The following TNS3 variants were observed in gnomAD, a reference collection of about 807,000 sequenced individuals.
The protein encoded by TNS3 is tensin 3, also known as tensin-3.
TNS3 carries 45 observed loss-of-function variants against 140.9 expected under a neutral mutation model. The ratio of observed to expected loss-of-function variants is 0.32; its 90% CI spans 0.25 to 0.41. The LOEUF (loss-of-function observed/expected upper bound fraction) is 0.41, where lower values mean the gene tolerates loss of function less well. TNS3 is among the 10% of genes least tolerant of loss of function. The pLI, the probability that TNS3 is intolerant of heterozygous loss-of-function variation, is 1.00. For missense variants in TNS3, 1,716 were observed against 1,906.7 expected, an observed-to-expected ratio of 0.90 and a Z score of 1.86; for synonymous variants, 815 against 788.4, an observed-to-expected ratio of 1.03 and a Z score of -0.56.
At chr7:47,310,003 C>A (rs1026089654) in intron 20 of TNS3, among the ~76,000 whole-genome samples, 4 of 152,222 alleles carry the variant, frequency 2.6e-5, no homozygotes, top group Admixed American at 2.6e-4. Flanking sequence ...TTTTCCTTCT[C>A]AGACATGGAC....
chr7:47,332,554 C>T (rs575858288), intron 20 of TNS3, among the ~76,000 whole-genome samples: 9 of 152,184 alleles, frequency 5.9e-5, no homozygotes, highest in Non-Finnish European at 1.0e-4. Flanking sequence ...GGGCCAGGAC[C>T]GCCTCCCTTC....
At chr7:47,550,287 T>G (rs1800028214) in intron 1 of TNS3, among the ~76,000 whole-genome samples, 1 of 152,204 alleles carries the variant, frequency 6.6e-6, no homozygotes, top group Admixed American at 6.5e-5. Context: ...CACGGCCCCA[T>G]GGTTCCATGG....
chr7:47,407,731 G>C lies in TNS3; in HGVS notation c.723+3996C>G, dbSNP rs1338635497. 6.6e-6 allele frequency among the ~76,000 whole-genome samples: 1 copy of C among 152,138 alleles called. No homozygotes were observed. Among genetic ancestry groups the C allele is most frequent in the Non-Finnish European group, 1.5e-5 (1 of 68,024 alleles). On this transcript the variant is annotated intron_variant, in intron 13 of 30. Transcript: ENST00000311160. This position sits in a 1 kb window ranked among gnomAD's most constrained non-coding sequence, Gnocchi z 4.1. ...GCTGGGCCCGAATGAATGATAACTG[G>C]TGTCCTTGTAAGAAGAGATGAGGAC... is the stretch of plus-strand genomic sequence containing the variant.
At chr7:47,432,001 CAAGT>C (rs1316064712) in intron 8 of TNS3, among the ~76,000 whole-genome samples, 9 of 152,078 alleles carry the variant, frequency 5.9e-5, no homozygotes, top group African/African-American at 2.2e-4. Flanking sequence ...AAAACAATAA[CAAGT>C]AAGGAGATTG....
At chr7:47,535,463 C>A (rs1799565943) in intron 1 of TNS3, among the ~76,000 whole-genome samples, 1 of 152,224 alleles carries the variant, frequency 6.6e-6, no homozygotes, top group Non-Finnish European at 1.5e-5. Context: ...TACATAACAT[C>A]TCTATTGTGA....
intron 9 of TNS3, 129 bp downstream of exon 9, chr7:47,428,183 C>T (rs892535356): frequency 1.8e-6 from 1 of 569,250 alleles, no homozygotes; most frequent in African/African-American, 1.9e-5. Context: ...CAACCCAGCA[C>T]TGGGGAATGG....
Position 47,356,573 on chromosome 7 carries a change from G to A in TNS3, c.2282-10217C>T, listed in dbSNP as rs187181933. ...GTCCAACCTCTGTTCTAAAAGAGACGGAATCCGCTCCCTGAGCAAATCTTC... is the reference window on the plus strand; with the variant it reads ...GTCCAACCTCTGTTCTAAAAGAGACAGAATCCGCTCCCTGAGCAAATCTTC... On this transcript the variant is annotated intron_variant, in intron 17 of 30. Transcript: ENST00000311160. Among the ~76,000 whole-genome samples the A allele has an allele frequency of 2.7e-4, 41 of 152,236 alleles. 1 individual carries two copies. The Middle Eastern group carries it at 0.017, about 63-fold the overall frequency.
intron 3 of TNS3, among the ~76,000 whole-genome samples, chr7:47,497,902 G>C (rs1192691231): frequency 6.6e-6 from 1 of 152,114 alleles, no homozygotes; most frequent in African/African-American, 2.4e-5. Context: ...CCATGAAAGT[G>C]GCATCTGTTT....
At chr7:47,465,029 C>A (rs1324004545) in intron 4 of TNS3, among the ~76,000 whole-genome samples, 2 of 152,214 alleles carry the variant, frequency 1.3e-5, no homozygotes, top group Non-Finnish European at 2.9e-5. Context: ...CAAGGCTGAT[C>A]TCCCTGGTGA....
At chr7:47,328,775 G>A (rs983018674) in intron 20 of TNS3, among the ~76,000 whole-genome samples, 3 of 152,156 alleles carry the variant, frequency 2.0e-5, no homozygotes, top group African/African-American at 7.2e-5. Context: ...CCCTGTCACT[G>A]CACTGCTCAA....
At chr7:47,319,987 T>C (rs1787637613) in intron 20 of TNS3, among the ~76,000 whole-genome samples, 1 of 152,202 alleles carries the variant, frequency 6.6e-6, no homozygotes, top group Non-Finnish European at 1.5e-5. Context: ...AGGTAAGAAT[T>C]CGAAACCTCA....
intron 17 of TNS3, among the ~76,000 whole-genome samples, chr7:47,363,139 T>C (rs62637776): frequency 3.9e-5 from 3 of 76,488 alleles, no homozygotes; most frequent in Non-Finnish European, 3.1e-5. Flanking sequence ...ATCACTGTCA[T>C]CATCACCATC....
In TNS3 at chr7:47,441,932, C is replaced by T. The variant is rs1417711956; in HGVS notation, c.-23+71G>A. 4 of 1,118,990 alleles carry T rather than the reference C, an allele frequency of 3.6e-6. No individual in the cohort carries two copies. The African/African-American group carries it at 4.8e-5, about 13-fold the overall frequency. The allele number at this position is 1,118,990 out of a possible 1,614,324, so 69.3% of individuals were successfully genotyped here. On this transcript the variant is annotated intron_variant, in intron 5 of 30. Transcript: ENST00000311160. ...TCTACAGAAGAAAATGATGCCATGCCCAAGTTTCCTCTGTAGAGAGCTGAC... is the reference window on the plus strand; with the variant it reads ...TCTACAGAAGAAAATGATGCCATGCTCAAGTTTCCTCTGTAGAGAGCTGAC...
At chr7:47,457,659 G>A (rs1467791463) in intron 4 of TNS3, among the ~76,000 whole-genome samples, 1 of 152,142 alleles carries the variant, frequency 6.6e-6, no homozygotes, top group Non-Finnish European at 1.5e-5. Context: ...TTTCTATAGA[G>A]CTCCAAGTCA....
chr7:47,469,447 T>C (rs1209309859), intron 4 of TNS3, among the ~76,000 whole-genome samples: 1 of 152,200 alleles, frequency 6.6e-6, no homozygotes, highest in East Asian at 1.9e-4. Flanking sequence ...TGTACACTGC[T>C]AGTGGAAAAG....
chr7:47,288,173 G>C (rs1484365221), intron 27 of TNS3, among the ~76,000 whole-genome samples: 2 of 152,178 alleles, frequency 1.3e-5, no homozygotes, highest in Non-Finnish European at 2.9e-5. Context: ...GTGTCCCTGA[G>C]ACAATATGGG....
In TNS3 at chr7:47,576,636, A is replaced by T. The variant is rs192045557; in HGVS notation, c.-265+5415T>A. Reference sequence around the variant, plus strand: ...GCAGAGCCAGCCCGGCGCTCCAGGGAGGAATGTGCACAGGCCAGGACGCAG... The same window carrying T: ...GCAGAGCCAGCCCGGCGCTCCAGGGTGGAATGTGCACAGGCCAGGACGCAG... On this transcript the variant is annotated intron_variant, in intron 1 of 30. Transcript: ENST00000311160. 1.2e-3 allele frequency among the ~76,000 whole-genome samples: 186 copies of T among 152,320 alleles called. 1 individual carries two copies. The highest frequency in any genetic ancestry group is 2.6e-3 in the Admixed American group (40 of 15,300).
intron 4 of TNS3, among the ~76,000 whole-genome samples, chr7:47,467,141 T>A (rs1796753576): frequency 6.6e-6 from 1 of 152,206 alleles, no homozygotes; most frequent in South Asian, 2.1e-4. Context: ...CCTGCCCCGG[T>A]GAAGTCCCTC....
chr7:47,302,816 C>T (rs1786481899), intron 22 of TNS3, 134 bp downstream of exon 22: 3 of 1,257,802 alleles, frequency 2.4e-6, no homozygotes, highest in Non-Finnish European at 3.3e-6. Flanking sequence ...AAAAGTACCC[C>T]AACGGCTCTG....
Sources: gnomAD v4.1 joint callset for allele counts (sites outside exome capture counted in the v4.1 genomes callset) on GRCh38, gnomAD v4.1.1 for gene constraint, Gnocchi (gnomAD v3.1) non-coding constraint, MANE v1.5 for transcripts, NCBI Gene and HGNC (gene_info 2026-07-23, HGNC 2026-07-21) for gene names.